Variants in M1AP observed in about 807,000 individuals in gnomAD.
The protein encoded by M1AP is meiosis 1 arrest protein.
In M1AP, 39 loss-of-function variants were observed where a neutral mutation model predicts 51.2. That is an observed-to-expected ratio of 0.76 (90% CI 0.59 to 1.00). M1AP has a LOEUF of 1.00. Among genes scored for constraint, M1AP ranks in the 50% least tolerant of loss-of-function variants. The probability of loss-of-function intolerance (pLI) is 0.00; values close to 1 mark genes in which losing one functional copy is unlikely to be tolerated. For synonymous variants in M1AP, 251 were observed against 249.2 expected, an observed-to-expected ratio of 1.01 and a Z score of -0.07; for missense variants, 545 against 641.2, an observed-to-expected ratio of 0.85 and a Z score of 1.62.
Position 74,575,419 on chromosome 2 carries a change from T to C in M1AP, c.1074+19A>G. The C allele has an allele frequency of 6.2e-7, 1 of 1,613,486 alleles. No homozygotes were observed. Among genetic ancestry groups the C allele is most frequent in the Non-Finnish European group, 8.5e-7 (1 of 1,179,730 alleles). On this transcript the variant is annotated intron_variant, in intron 7 of 10. Transcript: ENST00000421985. Reference sequence around the variant, plus strand: ...TTAAAAACGATTCTTCTTTTTCACCTGGGGACATGGGTACTCACCAGCAGG... The same window carrying C: ...TTAAAAACGATTCTTCTTTTTCACCCGGGGACATGGGTACTCACCAGCAGG...
chr2:74,589,337 C>T (rs184311969), intron 4 of M1AP, among the ~76,000 whole-genome samples: 29 of 152,168 alleles, frequency 1.9e-4, no homozygotes, highest in Admixed American at 1.3e-3. Context: ...GACAAGACCC[C>T]CAAAGTGGCA....
At chr2:74,564,146 C>T (rs77524878) in intron 7 of M1AP, among the ~76,000 whole-genome samples, 2,156 of 152,278 alleles carry the variant, frequency 0.014, 30 homozygotes, top group Middle Eastern at 0.02. Context: ...AGAGGATTAT[C>T]AGTGTCTTGT....
intron 7 of M1AP, among the ~76,000 whole-genome samples, chr2:74,569,162 G>T (rs914216994): frequency 1.3e-5 from 2 of 152,090 alleles, no homozygotes; most frequent in African/African-American, 4.8e-5. Flanking sequence ...TTTCTTCAGA[G>T]AATTAGAATC....
At chr2:74,585,740 G>C (rs1324309871) in intron 4 of M1AP, among the ~76,000 whole-genome samples, 1 of 152,174 alleles carries the variant, frequency 6.6e-6, no homozygotes, top group Non-Finnish European at 1.5e-5. Context: ...ATCCAAACTA[G>C]AGACTTATGT....
At chr2:74,594,625 G>T (rs1471806779) in intron 4 of M1AP, among the ~76,000 whole-genome samples, 2 of 152,144 alleles carry the variant, frequency 1.3e-5, no homozygotes, top group African/African-American at 2.4e-5. Context: ...TGTAATCCTG[G>T]CATTTTCAGA....
intron 10 of M1AP, among the ~76,000 whole-genome samples, chr2:74,559,395 A>C (rs995091046): frequency 6.6e-6 from 1 of 152,194 alleles, no homozygotes; most frequent in Non-Finnish European, 1.5e-5. Context: ...CCTGAGCTCA[A>C]GCGATCCACC....
rs761655486 is a variant in M1AP at position 74,558,885 on chromosome 2, A to G, written c.1435-11T>C. On this transcript the variant is annotated splice_polypyrimidine_tract_variant and intron_variant, in intron 10 of 10. Coordinates refer to ENST00000421985, the MANE Select transcript of M1AP (RefSeq NM_001321739.2). ...CTGCAACTGCCCAGTCTGCAAAGAG[A>G]GCAACCAGAGCCTTCTCTGAAGATC... The G allele has an allele frequency of 1.3e-6, 2 of 1,575,366 alleles. No individual in the cohort carries two copies. Among genetic ancestry groups the G allele is most frequent in the Non-Finnish European group, 1.7e-6 (2 of 1,166,528 alleles).
chr2:74,585,890 A>G lies in M1AP; in HGVS notation c.596-4043T>C, dbSNP rs555357550. ...CATTTCTTCCCCTCCATTACTTATT[A>G]TTACTACTACCAGTTACTTTTTCTG... On this transcript the variant is annotated intron_variant, in intron 4 of 10. Transcript: ENST00000421985. 2.0e-4 allele frequency among the ~76,000 whole-genome samples: 31 copies of G among 152,282 alleles called. 1 individual carries two copies. The highest frequency in any genetic ancestry group is 4.1e-4 in the Non-Finnish European group (28 of 68,018).
At chr2:74,623,152 T>C (rs1253714994) in intron 2 of M1AP, among the ~76,000 whole-genome samples, 4 of 152,044 alleles carry the variant, frequency 2.6e-5, no homozygotes. Context: ...GATTGAAAAA[T>C]TCCACTGTAT....
intron 2 of M1AP, chr2:74,615,756 T>G (rs1681629710): frequency 6.5e-6 from 1 of 152,812 alleles, no homozygotes; most frequent in Non-Finnish European, 1.5e-5. Context: ...AAACTTGCTC[T>G]TAGGAGTCAA....
intron 8 of M1AP, among the ~76,000 whole-genome samples, chr2:74,561,226 G>GAGGAGA (rs1677974792): frequency 7.4e-6 from 1 of 134,624 alleles, no homozygotes; most frequent in Non-Finnish European, 1.6e-5. Flanking sequence ...GAAGGAGGAG[G>GAGGAGA]AGGAGAAGGA....
rs1210984993 is a variant in M1AP, at chr2:74,607,329, T to G, written c.427-106A>C. 8.8e-6 allele frequency: 10 copies of G among 1,137,370 alleles called. 1 individual carries two copies. The East Asian group carries it at 1.7e-4, about 19-fold the overall frequency. 70.5% of individuals were successfully genotyped at this position (1,137,370 alleles called of 1,614,324 possible). On this transcript the variant is annotated intron_variant, in intron 3 of 10. Coordinates refer to ENST00000421985, the MANE Select transcript of M1AP (RefSeq NM_001321739.2). Reference sequence around the variant, plus strand: ...TAAATACAGCATAAGTCTGTGGTGGTGGCTATTATGTTTAGTGCAAAAAGG... The same window carrying G: ...TAAATACAGCATAAGTCTGTGGTGGGGGCTATTATGTTTAGTGCAAAAAGG...
intron 4 of M1AP, among the ~76,000 whole-genome samples, chr2:74,585,373 T>G (rs1679649042): frequency 6.6e-6 from 1 of 152,246 alleles, no homozygotes; most frequent in Non-Finnish European, 1.5e-5. Flanking sequence ...ACATTCTGGC[T>G]TATCCTTTAG....
intron 1 of M1AP, among the ~76,000 whole-genome samples, chr2:74,647,777 C>G (rs535728141): frequency 2.0e-5 from 3 of 152,314 alleles, no homozygotes; most frequent in African/African-American, 7.2e-5. Context: ...GCCTGTAATT[C>G]CAGCTTACTC....
At chr2:74,572,824 C>T (rs1320221484) in intron 7 of M1AP, among the ~76,000 whole-genome samples, 1 of 152,188 alleles carries the variant, frequency 6.6e-6, no homozygotes, top group Admixed American at 6.5e-5. Context: ...CTACTAGTGA[C>T]AGGTCAACTA....
rs1050676565 is a variant in M1AP, at chr2:74,563,621, A to C, written c.1075-1198T>G. Among the ~76,000 whole-genome samples the C allele has an allele frequency of 1.1e-4, 17 of 151,688 alleles. No homozygotes were observed. The South Asian group carries it at 1.7e-3, about 15-fold the overall frequency. ...TCTCAAAACATAAAAAAAAAAAAAA[A>C]AAAAAACATAAAGAAAGAGCAGAGG... On this transcript the variant is annotated intron_variant, in intron 7 of 10. Coordinates refer to ENST00000421985, the MANE Select transcript of M1AP (RefSeq NM_001321739.2).
chr2:74,597,222 T>G (rs916281924), intron 4 of M1AP, among the ~76,000 whole-genome samples: 1 of 152,222 alleles, frequency 6.6e-6, no homozygotes, highest in Non-Finnish European at 1.5e-5. Flanking sequence ...AAGAGAAAAA[T>G]CTGCCATTTT....
intron 2 of M1AP, among the ~76,000 whole-genome samples, chr2:74,638,096 C>T (rs1370128428): frequency 6.6e-6 from 1 of 151,904 alleles, no homozygotes; most frequent in African/African-American, 2.4e-5. Flanking sequence ...GCTCTGTCAC[C>T]CAGGCTGGAG....
intron 7 of M1AP, among the ~76,000 whole-genome samples, chr2:74,563,428 A>G (rs997857318): frequency 6.6e-6 from 1 of 151,990 alleles, no homozygotes; most frequent in South Asian, 2.1e-4. Flanking sequence ...GTGAAACTCC[A>G]TCTCTACTAA....
Sources: allele counts gnomAD v4.1 joint callset (sites outside exome capture counted in the v4.1 genomes callset), GRCh38; gene constraint gnomAD v4.1.1; transcripts MANE v1.5; gene names NCBI Gene and HGNC (gene_info 2026-07-23, HGNC 2026-07-21).